Variants in RPS6KA5 observed in about 807,000 individuals in gnomAD.
RPS6KA5 encodes ribosomal protein S6 kinase alpha-5.
In RPS6KA5, 27 loss-of-function variants were observed where a neutral mutation model predicts 85.5. The ratio of observed to expected loss-of-function variants is 0.32; its 90% CI spans 0.23 to 0.44. The LOEUF is 0.44. RPS6KA5 is among the 20% of genes least tolerant of loss of function. The pLI is 1.00. For synonymous variants in RPS6KA5, 334 were observed against 348.2 expected, an observed-to-expected ratio of 0.96 and a Z score of 0.46; for missense variants, 811 against 980.9, an observed-to-expected ratio of 0.83 and a Z score of 2.31.
At chr14:90,953,701 C>A (rs148396076) in intron 3 of RPS6KA5, among the ~76,000 whole-genome samples, 171 of 152,290 alleles carry the variant, frequency 1.1e-3, no homozygotes, top group Middle Eastern at 3.4e-3. Flanking sequence ...AATGGCCACT[C>A]TGGGAGTGTC....
intron 1 of RPS6KA5, among the ~76,000 whole-genome samples, chr14:91,032,117 G>C (rs1670400828): frequency 6.6e-6 from 1 of 152,086 alleles, no homozygotes; most frequent in African/African-American, 2.4e-5. Flanking sequence ...TGATTTCATA[G>C]CCTCCCTTGC....
chr14:90,939,431 C>A (rs1257177080), intron 5 of RPS6KA5, among the ~76,000 whole-genome samples: 2 of 152,174 alleles, frequency 1.3e-5, no homozygotes, highest in Non-Finnish European at 2.9e-5. Flanking sequence ...TTCAGCAGCA[C>A]CCCACTCGTG....
At chr14:90,920,374 A>G in intron 6 of RPS6KA5, 65 bp from the exon 7 acceptor site, 1 of 1,123,574 alleles carries the variant, frequency 8.9e-7, no homozygotes, top group Non-Finnish European at 1.3e-6. Flanking sequence ...AGAAAGAAAA[A>G]ATGAATAAAA....
intron 1 of RPS6KA5, chr14:91,059,868 G>C (rs2043555980): frequency 4.5e-6 from 1 of 224,212 alleles, no homozygotes; most frequent in Non-Finnish European, 7.5e-6. Flanking sequence ...GCACCTTAGG[G>C]GATGGCTCCA....
At chr14:90,921,901 T>TA (rs979615488) in intron 6 of RPS6KA5, among the ~76,000 whole-genome samples, 3 of 152,092 alleles carry the variant, frequency 2.0e-5, no homozygotes, top group Admixed American at 1.3e-4. Flanking sequence ...ACAGAAGTGT[T>TA]AAAAAATGAA....
In RPS6KA5 at chr14:90,962,583, G is replaced by A. The variant is rs372597755; in HGVS notation, c.395-15033C>T. 7.3e-5 allele frequency among the ~76,000 whole-genome samples: 11 copies of A among 150,180 alleles called. No homozygotes were observed. The South Asian group carries it at 1.7e-3, about 23-fold the overall frequency. ...ATTGCAGGAGTGAGCCACCATGCCC[G>A]GCCTAGATTTTTTTTTTTTTTGAGA... On this transcript the variant is annotated intron_variant, in intron 3 of 16. Coordinates refer to ENST00000614987, the MANE Select transcript of RPS6KA5 (RefSeq NM_004755.4).
At chr14:91,034,715 T>C (rs2042330094) in intron 1 of RPS6KA5, among the ~76,000 whole-genome samples, 2 of 152,214 alleles carry the variant, frequency 1.3e-5, no homozygotes, top group South Asian at 4.1e-4. Flanking sequence ...CTCTTCACAA[T>C]AAATCTTGCT....
chr14:90,955,011 C>T (rs1268327779), intron 3 of RPS6KA5, among the ~76,000 whole-genome samples: 5 of 152,050 alleles, frequency 3.3e-5, no homozygotes, highest in Admixed American at 3.3e-4. Flanking sequence ...CAAGGTTTGT[C>T]AATTTGTTGA....
chr14:91,046,366 T>C (rs1438212026), intron 1 of RPS6KA5, among the ~76,000 whole-genome samples: 1 of 152,212 alleles, frequency 6.6e-6, no homozygotes, highest in Non-Finnish European at 1.5e-5. Flanking sequence ...GGCCCCATTA[T>C]GTTTGTTCTA....
At chr14:90,952,716 A>C (rs2038270921) in intron 3 of RPS6KA5, among the ~76,000 whole-genome samples, 1 of 152,264 alleles carries the variant, frequency 6.6e-6, no homozygotes, top group African/African-American at 2.4e-5. Context: ...AATACTTCTG[A>C]TTTCTGTATC....
intron 2 of RPS6KA5, among the ~76,000 whole-genome samples, chr14:90,988,598 C>T (rs1217589423): frequency 6.6e-6 from 1 of 152,146 alleles, no homozygotes; most frequent in Non-Finnish European, 1.5e-5. Flanking sequence ...GGGTGCATCA[C>T]CTGAGGTCAG....
intron 1 of RPS6KA5, among the ~76,000 whole-genome samples, chr14:91,037,421 T>C (rs1252051340): frequency 1.3e-5 from 2 of 152,206 alleles, no homozygotes; most frequent in Non-Finnish European, 2.9e-5. Context: ...GCCTATGCCA[T>C]TCCAAAATCC....
At chr14:90,950,680 T>C (rs1166703101) in intron 3 of RPS6KA5, among the ~76,000 whole-genome samples, 1 of 152,252 alleles carries the variant, frequency 6.6e-6, no homozygotes, top group Admixed American at 6.5e-5. Flanking sequence ...TGATATGATA[T>C]ATTAAACTGA....
intron 2 of RPS6KA5, among the ~76,000 whole-genome samples, chr14:90,999,966 T>A (rs1026414703): frequency 1.3e-5 from 2 of 152,170 alleles, no homozygotes; most frequent in African/African-American, 4.8e-5. Flanking sequence ...CCGGAGAATT[T>A]TCTTTATTTT....
chr14:90,963,429 G>C (rs1012571078), intron 3 of RPS6KA5, among the ~76,000 whole-genome samples: 1 of 152,082 alleles, frequency 6.6e-6, no homozygotes, highest in Non-Finnish European at 1.5e-5. Flanking sequence ...GAGGAATTGA[G>C]ACTATGTAAA....
At chr14:90,983,959 C>A (rs907966264) in intron 2 of RPS6KA5, among the ~76,000 whole-genome samples, 40 of 152,082 alleles carry the variant, frequency 2.6e-4, no homozygotes, top group African/African-American at 9.2e-4. Context: ...ATTCTCCCAT[C>A]CCAGCCTCCG....
chr14:90,898,087 A>G (rs1159821135), intron 12 of RPS6KA5, among the ~76,000 whole-genome samples: 2 of 152,178 alleles, frequency 1.3e-5, no homozygotes, highest in African/African-American at 4.8e-5. Context: ...TTACTGCCAG[A>G]TGTGATTCTG....
At chr14:90,903,425 T>C (rs2035300646) in intron 8 of RPS6KA5, among the ~76,000 whole-genome samples, 1 of 152,260 alleles carries the variant, frequency 6.6e-6, no homozygotes, top group African/African-American at 2.4e-5. Context: ...GCTCTCTGCC[T>C]GCACTTGCTT....
At chr14:91,051,673 G>T (rs1193133115) in intron 1 of RPS6KA5, among the ~76,000 whole-genome samples, 2 of 151,966 alleles carry the variant, frequency 1.3e-5, no homozygotes, top group African/African-American at 4.8e-5. Context: ...ATTTTTACTA[G>T]AGATGGGGTT....
Sources: gnomAD v4.1 joint callset for allele counts (sites outside exome capture counted in the v4.1 genomes callset) on GRCh38, gnomAD v4.1.1 for gene constraint, MANE v1.5 for transcripts, NCBI Gene and HGNC (gene_info 2026-07-23, HGNC 2026-07-21) for gene names.